Variants in ZNF3 observed in about 807,000 individuals in gnomAD.
ZNF3 encodes the protein C2-H2 type zinc finger protein.
Under a neutral mutation model 36.9 loss-of-function variants are expected in ZNF3, and 16 were observed. That is an observed-to-expected ratio of 0.43 (90% CI 0.29 to 0.66). ZNF3 has a LOEUF of 0.66. Among genes scored for constraint, ZNF3 ranks in the 30% least tolerant of loss-of-function variants. ZNF3 has a pLI of 0.13. For synonymous variants in ZNF3, 201 were observed against 201.9 expected (o/e 1.00, Z 0.04); for missense variants, 462 against 543.1 (o/e 0.85, Z 1.48).
chr7:100,074,524 A>G (rs967781122), intron 5 of ZNF3, among the ~76,000 whole-genome samples: 3 of 152,262 alleles, frequency 2.0e-5, no homozygotes, highest in African/African-American at 2.4e-5. Flanking sequence ...CTCCTGCCTC[A>G]GCTTCTCAGA....
At chr7:100,065,065 AATG>A, downstream of ZNF3, 1 of 1,007,998 alleles carries the variant, frequency 9.9e-7, no homozygotes, top group Non-Finnish European at 1.4e-6. Context: ...TATTATAACA[AATG>A]ATGTGTTGGT....
In ZNF3 at chr7:100,077,434, C is replaced by CT; in HGVS notation, c.-76-2dup. 6.2e-7 allele frequency: 1 copy of CT among 1,608,866 alleles called. No individual in the cohort carries two copies. Among genetic ancestry groups the CT allele is most frequent in the Non-Finnish European group, 8.5e-7 (1 of 1,176,954 alleles). On this transcript the variant is annotated splice_acceptor_variant, in intron 2 of 5. Coordinates refer to ENST00000299667, the MANE Select transcript of ZNF3 (RefSeq NM_032924.5). LOFTEE classifies it low-confidence loss of function (5UTR_SPLICE). Reference sequence around the variant, plus strand: ...GGTTTTAAAAGAGAATGAGGAAGCACTGCAGAAGCAAAAGTTCAAGGTTCA... The same window carrying CT: ...GGTTTTAAAAGAGAATGAGGAAGCACTTGCAGAAGCAAAAGTTCAAGGTTCA...
chr7:100,072,978 G>C (rs756139674), intron 5 of ZNF3, among the ~76,000 whole-genome samples: 1 of 152,140 alleles, frequency 6.6e-6, no homozygotes, highest in Admixed American at 6.6e-5. Flanking sequence ...TGTTAGGGAC[G>C]GGAACGGCTG....
At chr7:100,075,077 G>C in intron 5 of ZNF3, 58 bp downstream of exon 5, 1 of 1,536,432 alleles carries the variant, frequency 6.5e-7, no homozygotes, top group South Asian at 1.3e-5. Context: ...ATTGTTACTA[G>C]CAAACGAAGA....
At chr7:100,082,109 A>C (rs1375536534), upstream of ZNF3, among the ~76,000 whole-genome samples, 1 of 152,232 alleles carries the variant, frequency 6.6e-6, no homozygotes, top group Non-Finnish European at 1.5e-5. Context: ...CAATTATTGA[A>C]GGATTCATCA....
At chr7:100,077,730 TTTTC>T (rs1166080824) in intron 2 of ZNF3, 6 of 160,768 alleles carry the variant, frequency 3.7e-5, no homozygotes, top group Non-Finnish European at 2.7e-5. Flanking sequence ...TATTTTTAAA[TTTTC>T]TTTATTTTTT....
chr7:100,081,095 GC>G lies in ZNF3; in HGVS notation c.-198+539del, dbSNP rs1794930271. On this transcript the variant is annotated intron_variant, in intron 1 of 5. Coordinates refer to ENST00000299667, the MANE Select transcript of ZNF3 (RefSeq NM_032924.5). The surrounding 1 kb of genome is among the most constrained non-coding windows in gnomAD (Gnocchi z 4.3). ...TAATACAACTGAAAACGGAGCCTGA[GC>G]CAGGTGTATCACGCGATGCACTGGG... 6.6e-6 allele frequency among the ~76,000 whole-genome samples: 1 copy of G among 152,182 alleles called. No homozygotes were observed. Among genetic ancestry groups the G allele is most frequent in the African/African-American group, 2.4e-5 (1 of 41,444 alleles).
chr7:100,075,489 AT>A, intron 4 of ZNF3, 52 bp downstream of exon 4: 1 of 1,600,288 alleles, frequency 6.2e-7, no homozygotes, highest in Non-Finnish European at 8.6e-7. Context: ...TCTGAATGGG[AT>A]GTCATTGCAC....
chr7:100,072,640 G>A (rs1793388936), intron 5 of ZNF3, among the ~76,000 whole-genome samples: 1 of 152,150 alleles, frequency 6.6e-6, no homozygotes, highest in African/African-American at 2.4e-5. Flanking sequence ...AGGGTGAGGA[G>A]AGACAGCAGC....
At chr7:100,075,712 G>T in intron 3 of ZNF3, 82 bp from the exon 4 acceptor site, 1 of 1,371,294 alleles carries the variant, frequency 7.3e-7, no homozygotes, top group Non-Finnish European at 1.0e-6. Flanking sequence ...CCCACAGAAA[G>T]CTCCCGGGGT....
chr7:100,067,870 T>C (rs1011006555), downstream of ZNF3, among the ~76,000 whole-genome samples: 2 of 152,196 alleles, frequency 1.3e-5, no homozygotes, highest in South Asian at 4.1e-4. Context: ...CCAGGCTTGA[T>C]GCTGGTTAGA....
downstream of ZNF3, among the ~76,000 whole-genome samples, chr7:100,065,641 T>G (rs1426958456): frequency 1.3e-5 from 2 of 151,636 alleles, no homozygotes; most frequent in Non-Finnish European, 2.9e-5. Context: ...CCATTCAGGG[T>G]GTGGTATTGT....
At chr7:100,069,758 C>T (rs924700806), downstream of ZNF3, among the ~76,000 whole-genome samples, 5 of 152,064 alleles carry the variant, frequency 3.3e-5, no homozygotes, top group Non-Finnish European at 5.9e-5. Context: ...GGATTATAGG[C>T]ATGTGCCACC....
chr7:100,069,369 G>A (rs577059277), downstream of ZNF3, among the ~76,000 whole-genome samples: 49 of 152,170 alleles, frequency 3.2e-4, no homozygotes, highest in African/African-American at 9.9e-4. Context: ...TGGGCAACAT[G>A]GTGAAACCCC....
chr7:100,068,783 G>C (rs531966009), downstream of ZNF3, among the ~76,000 whole-genome samples: 1 of 151,864 alleles, frequency 6.6e-6, no homozygotes, highest in Non-Finnish European at 1.5e-5. Context: ...TCAGCCTCCC[G>C]AGTAGCTGGG....
In ZNF3 at chr7:100,069,974, C is replaced by A; in HGVS notation, c.*1169G>T. ...CATTGCACAAAACCACACTCAATCT[C>A]TTCTGAAAAACTATTCTGTTTAATA... On this transcript the variant is annotated 3_prime_UTR_variant, in exon 6 of 6. Coordinates refer to ENST00000299667, the MANE Select transcript of ZNF3 (RefSeq NM_032924.5). The A allele has an allele frequency of 4.1e-6, 4 of 985,866 alleles. No homozygotes were observed. The highest frequency in any genetic ancestry group is 4.8e-6 in the Non-Finnish European group (4 of 829,944). The allele number at this position is 985,866 out of a possible 1,614,324, so 61.1% of individuals were successfully genotyped here.
downstream of ZNF3, chr7:100,065,121 A>G (rs1352647262): frequency 2.5e-6 from 2 of 786,464 alleles, no homozygotes; most frequent in African/African-American, 3.5e-5. Context: ...CTACTGGTTT[A>G]GCTTTTAGAA....
chr7:100,073,905 C>T (rs1793635793), intron 5 of ZNF3, among the ~76,000 whole-genome samples: 1 of 151,848 alleles, frequency 6.6e-6, no homozygotes. Flanking sequence ...CCTGTAATCT[C>T]AGCACTTTGG....
intron 3 of ZNF3, among the ~76,000 whole-genome samples, chr7:100,075,991 C>T (rs968785116): frequency 7.2e-5 from 11 of 152,024 alleles, no homozygotes; most frequent in Non-Finnish European, 1.5e-4. Context: ...TATGATCCCG[C>T]TCTTGCATGA....
Sources: allele counts gnomAD v4.1 joint callset (sites outside exome capture counted in the v4.1 genomes callset), GRCh38; gene constraint gnomAD v4.1.1; non-coding constraint Gnocchi (gnomAD v3.1); transcripts MANE v1.5; gene names NCBI Gene and HGNC (gene_info 2026-07-23, HGNC 2026-07-21).